Variants in NXPH2 observed in about 807,000 individuals in gnomAD.
The protein encoded by NXPH2 is neurexophilin-2.
Under a neutral mutation model 19.8 loss-of-function variants are expected in NXPH2, and 5 were observed. That is an observed-to-expected ratio of 0.25 (90% CI 0.13 to 0.53). The LOEUF is 0.53. Among genes scored for constraint, NXPH2 ranks in the 20% least tolerant of loss-of-function variants. NXPH2 has a pLI of 0.96. For missense variants in NXPH2, 289 were observed against 322.8 expected, an observed-to-expected ratio of 0.90 and a Z score of 0.80; for synonymous variants, 154 against 127.4, an observed-to-expected ratio of 1.21 and a Z score of -1.41.
chr2:138,681,353 C>G (rs1680577518), intron 1 of NXPH2, among the ~76,000 whole-genome samples: 1 of 152,118 alleles, frequency 6.6e-6, no homozygotes, highest in Non-Finnish European at 1.5e-5. Context: ...TAATTTCCCC[C>G]CATAATCATA....
At chr2:138,741,467 C>A (rs572022677) in intron 1 of NXPH2, among the ~76,000 whole-genome samples, 3 of 152,158 alleles carry the variant, frequency 2.0e-5, no homozygotes, top group South Asian at 2.1e-4. Flanking sequence ...TCCATGTTTT[C>A]CCCCTCATAT....
chr2:138,752,661 T>G (rs777812119), intron 1 of NXPH2, among the ~76,000 whole-genome samples: 9 of 152,314 alleles, frequency 5.9e-5, no homozygotes, highest in Non-Finnish European at 1.0e-4. Context: ...CTCAGTTCTC[T>G]CCTAAGGTCC....
At chr2:138,764,107 G>T (rs764139087) in intron 1 of NXPH2, among the ~76,000 whole-genome samples, 1 of 152,068 alleles carries the variant, frequency 6.6e-6, no homozygotes. Flanking sequence ...CACTTAGTGT[G>T]CACCAGACCA....
intron 1 of NXPH2, among the ~76,000 whole-genome samples, chr2:138,723,528 T>A (rs1681311186): frequency 6.6e-6 from 1 of 152,216 alleles, no homozygotes; most frequent in Non-Finnish European, 1.5e-5. Context: ...CCTAAAGCCC[T>A]GCTTTCCCAA....
rs554220465 is a variant in NXPH2, at chr2:138,774,594, G to C, written c.51+5597C>G. Among the ~76,000 whole-genome samples, 372 of 152,294 alleles carry C rather than the reference G, an allele frequency of 2.4e-3. 3 individuals carry two copies. The highest frequency in any genetic ancestry group is 4.3e-3 in the Non-Finnish European group (294 of 68,024). ...AATTTTTATCTACTTTGTCATTATT[G>C]ACTTCATTTTATAGATGAAAGTTCT... On this transcript the variant is annotated intron_variant, in intron 1 of 1. Transcript: ENST00000272641.
At chr2:138,776,119 G>A (rs1437010677) in intron 1 of NXPH2, among the ~76,000 whole-genome samples, 1 of 152,016 alleles carries the variant, frequency 6.6e-6, no homozygotes, top group Non-Finnish European at 1.5e-5. Flanking sequence ...AATCATTCAA[G>A]GTGTATTGAT....
intron 1 of NXPH2, among the ~76,000 whole-genome samples, chr2:138,703,878 C>T (rs765853181): frequency 7.9e-5 from 12 of 152,140 alleles, no homozygotes; most frequent in Non-Finnish European, 1.6e-4. Context: ...GCAGGTTAGG[C>T]GGGATCTTAT....
intron 1 of NXPH2, among the ~76,000 whole-genome samples, chr2:138,754,164 C>T (rs1280043622): frequency 3.3e-5 from 5 of 152,064 alleles, no homozygotes; most frequent in Admixed American, 3.3e-4. Context: ...TGTATTTCAT[C>T]CTGAAATCCC....
intron 1 of NXPH2, among the ~76,000 whole-genome samples, chr2:138,759,361 A>C (rs1441589811): frequency 6.7e-6 from 1 of 149,554 alleles, no homozygotes; most frequent in African/African-American, 2.4e-5. Context: ...CCTCTGTGCC[A>C]CCAGGCTTTG....
intron 1 of NXPH2, among the ~76,000 whole-genome samples, chr2:138,742,517 G>T (rs1417239026): frequency 6.6e-6 from 1 of 152,178 alleles, no homozygotes; most frequent in South Asian, 2.1e-4. Flanking sequence ...TCTGTGGAAT[G>T]TTCATTTCAA....
intron 1 of NXPH2, among the ~76,000 whole-genome samples, chr2:138,778,117 T>G (rs1458279247): frequency 6.6e-6 from 1 of 152,180 alleles, no homozygotes; most frequent in Non-Finnish European, 1.5e-5. Flanking sequence ...CCACTCTGTT[T>G]TCCTTTCACA....
chr2:138,725,820 T>G (rs1323763095), intron 1 of NXPH2, among the ~76,000 whole-genome samples: 1 of 152,192 alleles, frequency 6.6e-6, no homozygotes, highest in East Asian at 1.9e-4. Context: ...CCATTTACTG[T>G]ATGTAAAGAA....
chr2:138,760,614 C>A (rs144613708), intron 1 of NXPH2, among the ~76,000 whole-genome samples: 20 of 152,270 alleles, frequency 1.3e-4, no homozygotes, highest in Non-Finnish European at 1.8e-4. Context: ...CAAGTGTCAT[C>A]TCATCTCAAA....
chr2:138,771,920 A>G (rs1018912186), intron 1 of NXPH2, among the ~76,000 whole-genome samples: 6 of 152,204 alleles, frequency 3.9e-5, no homozygotes, highest in African/African-American at 1.2e-4. Flanking sequence ...TTTATAATAA[A>G]ATACATATTT....
intron 1 of NXPH2, among the ~76,000 whole-genome samples, 187 bp from the exon 2 acceptor site, chr2:138,671,852 C>G (rs1225646064): frequency 2.0e-5 from 3 of 152,142 alleles, no homozygotes; most frequent in East Asian, 1.9e-4. Flanking sequence ...TGGAAAACTG[C>G]GAGTATGAAA....
intron 1 of NXPH2, among the ~76,000 whole-genome samples, chr2:138,703,560 A>G (rs1202746886): frequency 6.6e-6 from 1 of 152,206 alleles, no homozygotes; most frequent in African/African-American, 2.4e-5. Context: ...TTCGCATATT[A>G]CTAAAACCTA....
intron 1 of NXPH2, among the ~76,000 whole-genome samples, chr2:138,742,236 A>G (rs563728903): frequency 2.0e-5 from 3 of 152,270 alleles, no homozygotes; most frequent in South Asian, 4.1e-4. Flanking sequence ...TCTTGACTCC[A>G]TCTTCAGGGC....
intron 1 of NXPH2, among the ~76,000 whole-genome samples, chr2:138,702,946 T>A (rs1036819568): frequency 6.6e-6 from 1 of 152,174 alleles, no homozygotes; most frequent in East Asian, 1.9e-4. Context: ...TAAATCAAAC[T>A]TAATGAGAAC....
intron 1 of NXPH2, among the ~76,000 whole-genome samples, chr2:138,690,478 TAAG>T (rs1680730282): frequency 6.6e-6 from 1 of 152,074 alleles, no homozygotes. Context: ...ATTAAATGGT[TAAG>T]AAGGTGCTTC....
Sources: allele counts gnomAD v4.1 joint callset (sites outside exome capture counted in the v4.1 genomes callset), GRCh38; gene constraint gnomAD v4.1.1; transcripts MANE v1.5; gene names NCBI Gene and HGNC (gene_info 2026-07-23, HGNC 2026-07-21).